Variants in ATN1 observed in about 807,000 individuals in gnomAD.
The protein encoded by ATN1 is atrophin 1.
Under a neutral mutation model 85.8 loss-of-function variants are expected in ATN1, and 19 were observed. That is an observed-to-expected ratio of 0.22 (90% confidence interval 0.15 to 0.32). ATN1 has a LOEUF of 0.32. Among genes scored for constraint, ATN1 ranks in the 10% least tolerant of loss-of-function variants. ATN1 has a pLI of 1.00. For synonymous variants in ATN1, 674 were observed against 657.0 expected (o/e 1.03, Z -0.39); for missense variants, 1,453 against 1,564.5 (o/e 0.93, Z 1.20).
chr12:6,937,934 A>T lies in ATN1; in HGVS notation c.2384A>T (p.Lys795Met). ...CTGGAGGGCTCCAAGCTGGCCAAGA[A>T]GCGGGCCGACCTGGTGGAGAAGGTG... ...VPLEGSKLAK[K>M]RADLVEKVRR... The change falls in exon 6 of 10, where the codon AAG (lysine) becomes ATG (methionine). Residue 795 changes from lysine (K) to methionine (M), a missense_variant. By Grantham distance (95) the Lys-to-Met change is moderately conservative. Transcript: ENST00000396684. This position sits in a 1 kb window ranked among gnomAD's most constrained non-coding sequence, Gnocchi z 6.0. 6.3e-7 allele frequency: 1 copy of T among 1,590,622 alleles called. No homozygotes were observed. The highest frequency in any genetic ancestry group is 8.6e-7 in the Non-Finnish European group (1 of 1,169,190).
In ATN1 at chr12:6,941,361, T is replaced by G. The variant is rs1945632143; in HGVS notation, c.3359-13T>G. On this transcript the variant is annotated splice_polypyrimidine_tract_variant and intron_variant, in intron 8 of 9. Coordinates refer to ENST00000396684, the MANE Select transcript of ATN1 (RefSeq NM_001940.4). The surrounding 1 kb of genome is among the most constrained non-coding windows in gnomAD (Gnocchi z 5.9). ...TCCGTTGGTCATATGCCCCTTGCCC[T>G]TCCTGCTCACAGCTGCCCCTTACCG... 1 of 1,586,130 alleles carries G rather than the reference T, an allele frequency of 6.3e-7. No individual in the cohort carries two copies. Among genetic ancestry groups the G allele is most frequent in the Non-Finnish European group, 8.6e-7 (1 of 1,165,888 alleles).
rs1945540976 is a variant in ATN1 at position 6,936,728 on chromosome 12, A to AACAG, written c.1461_1462insACAG (p.Gln488ThrfsTer37). ...ATCACCATCACCACCAGCAACAGCA[A>AACAG]CAGCAGCAGCAGCAGCAGCAGCAGC... On this transcript the variant is annotated frameshift_variant, in exon 5 of 10. Coordinates refer to ENST00000396684, the MANE Select transcript of ATN1 (RefSeq NM_001940.4). LOFTEE classifies it high-confidence loss of function. 5.1e-6 allele frequency: 8 copies of AACAG among 1,583,954 alleles called. No individual in the cohort carries two copies. Among genetic ancestry groups the AACAG allele is most frequent in the African/African-American group, 2.8e-5 (2 of 70,874 alleles).
chr12:6,939,804 C>T (rs1945610049), intron 7 of ATN1, among the ~76,000 whole-genome samples: 1 of 152,074 alleles, frequency 6.6e-6, no homozygotes, highest in Non-Finnish European at 1.5e-5. Context: ...GTGCCCAACC[C>T]ACAAACCTAT....
rs919201953 is a variant in ATN1, at chr12:6,941,654, C to T, written c.3540-93C>T. 4.7e-5 allele frequency: 74 copies of T among 1,578,590 alleles called. No homozygotes were observed. In the African/African-American group the frequency reaches 9.6e-4, roughly 20 times the overall value. On this transcript the variant is annotated intron_variant, in intron 9 of 9. Transcript: ENST00000396684. The surrounding 1 kb of genome is among the most constrained non-coding windows in gnomAD (Gnocchi z 5.9). ...GGCACCGTGCTCCTGGGGGAGGGAA[C>T]CCCTCCTCTCCCAACCCCTTCGGTA...
In ATN1 at chr12:6,940,814, C is replaced by T. The variant is rs1030344405; in HGVS notation, c.3215-66C>T. On this transcript the variant is annotated intron_variant, in intron 7 of 9. Coordinates refer to ENST00000396684, the MANE Select transcript of ATN1 (RefSeq NM_001940.4). ...CTCAGTTCCCAGGCTTGGATCCCTT[C>T]ACCCAAATGCATGGTTTGCCCCAAA... 4.4e-6 allele frequency: 7 copies of T among 1,595,926 alleles called. No individual in the cohort carries two copies. In the African/African-American group the frequency reaches 6.7e-5, roughly 15 times the overall value.
chr12:6,936,231 G>A lies in ATN1; in HGVS notation c.964G>A (p.Ala322Thr). 4 of 1,604,394 alleles carry A rather than the reference G, an allele frequency of 2.5e-6. No homozygotes were observed. The highest frequency in any genetic ancestry group is 3.4e-6 in the Non-Finnish European group (4 of 1,174,388). ...NASASPPGLG[A>T]QPLPGHLPSP... Reference sequence around the variant, plus strand: ...ATCAGCCTCTCCCCCTGGCCTGGGGGCCCAACCACTACCTGGTCATCTGCC... The same window carrying A: ...ATCAGCCTCTCCCCCTGGCCTGGGGACCCAACCACTACCTGGTCATCTGCC... The change falls in exon 5 of 10, where the codon GCC becomes ACC. Residue 322 changes from alanine (A) to threonine (T), a missense_variant. Ala to Thr is a moderately conservative substitution (Grantham distance 58, BLOSUM62 0). Around this residue, in one of 6 missense-constraint regions of ATN1, gnomAD observed 990 missense variants for 914.8 expected, o/e 1.08. Coordinates refer to ENST00000396684, the MANE Select transcript of ATN1 (RefSeq NM_001940.4).
At chr12:6,927,518 C>T (rs1373444614), upstream of ATN1, among the ~76,000 whole-genome samples, 1 of 152,048 alleles carries the variant, frequency 6.6e-6, no homozygotes, top group African/African-American at 2.4e-5. Flanking sequence ...CACCCACAGC[C>T]CCTCCTACCT....
chr12:6,935,956 G>A lies in ATN1; in HGVS notation c.689G>A (p.Gly230Glu). The A allele has an allele frequency of 1.3e-6, 2 of 1,592,816 alleles. No homozygotes were observed. Among genetic ancestry groups the A allele is most frequent in the Non-Finnish European group, 8.6e-7 (1 of 1,168,438 alleles). The stretch of plus-strand genomic sequence containing the variant: ...GGGGGCACTGGTGGAGTTTTGTCTG[G>A]ACCCCCAATGGGTCCCAAGGGGGGA... The part of the protein sequence containing the change: ...YPGGTGGVLS[G>E]PPMGPKGGGA... The change falls in exon 5 of 10, where the codon GGA becomes GAA. Residue 230 changes from glycine (G) to glutamate (E), a missense_variant. Coordinates refer to ENST00000396684, the MANE Select transcript of ATN1 (RefSeq NM_001940.4). This position sits in a 1 kb window ranked among gnomAD's most constrained non-coding sequence, Gnocchi z 5.3.
chr12:6,936,108 G>C lies in ATN1; in HGVS notation c.841G>C (p.Gly281Arg). 1.3e-6 allele frequency: 2 copies of C among 1,528,324 alleles called. No individual in the cohort carries two copies. The highest frequency in any genetic ancestry group is 1.8e-6 in the Non-Finnish European group (2 of 1,138,922). The allele number at this position is 1,528,324 out of a possible 1,614,324, so 94.7% of individuals were successfully genotyped here. Residue 281 changes from glycine to arginine, a missense_variant, in exon 5 of 10, where the codon GGT becomes CGT. Gly to Arg is a moderately radical substitution (Grantham distance 125). This residue lies in a region of ATN1 where 990 missense variants were observed against 914.8 expected (regional missense o/e 1.08). Coordinates refer to ENST00000396684, the MANE Select transcript of ATN1 (RefSeq NM_001940.4). ...AACAAAGCCGCCTACCACTCCAGTG[G>C]GTGGTGGGAACCTACCTTCTGCTCC... ...PPTKPPTTPV[G>R]GGNLPSAPPP...
In ATN1 at chr12:6,935,559, C is replaced by G. The variant is rs1555143440; in HGVS notation, c.292C>G (p.Arg98Gly). 6.2e-7 allele frequency: 1 copy of G among 1,609,780 alleles called. No homozygotes were observed. The highest frequency in any genetic ancestry group is 8.5e-7 in the Non-Finnish European group (1 of 1,176,602). The change falls in exon 5 of 10, where the codon CGG becomes GGG. Residue 98 changes from arginine to glycine, a missense_variant. By Grantham distance (125) the Arg-to-Gly change is moderately radical. Coordinates refer to ENST00000396684, the MANE Select transcript of ATN1 (RefSeq NM_001940.4). This position sits in a 1 kb window ranked among gnomAD's most constrained non-coding sequence, Gnocchi z 5.3. ...CCCTTTTCTACAGCAGGAACTCCCT[C>G]GGCCACAGTCTCCCTCCGATCTGGA... The part of the protein sequence containing the change: ...KKTKTEQELP[R>G]PQSPSDLDSL...
chr12:6,939,275 G>A, intron 7 of ATN1, 98 bp downstream of exon 7: 1 of 1,443,148 alleles, frequency 6.9e-7, no homozygotes, highest in African/African-American at 1.4e-5. Flanking sequence ...TCCTCCCCTG[G>A]CCTGGCATGA....
Position 6,937,233 on chromosome 12 carries a change from G to A in ATN1, c.1966G>A (p.Gly656Arg), listed in dbSNP as rs782762692. 6 of 1,611,948 alleles carry A rather than the reference G, an allele frequency of 3.7e-6. No individual in the cohort carries two copies. The highest frequency in any genetic ancestry group is 1.3e-5 in the African/African-American group (1 of 75,028). ...PGAYKTATPP[G>R]YKPGSPPSFR... ...GGCCTACAAGACAGCCACCCCACCCGGATACAAACCCGGGTCGCCTCCCTC... is the reference window on the plus strand; with the variant it reads ...GGCCTACAAGACAGCCACCCCACCCAGATACAAACCCGGGTCGCCTCCCTC... Residue 656 changes from glycine to arginine, a missense_variant, in exon 5 of 10, where the codon GGA (glycine) becomes AGA (arginine). Physicochemically the swap from Gly to Arg is moderately radical, Grantham distance 125. Around this residue, in one of 6 missense-constraint regions of ATN1, gnomAD observed 990 missense variants for 914.8 expected, o/e 1.08. Transcript: ENST00000396684. This position sits in a 1 kb window ranked among gnomAD's most constrained non-coding sequence, Gnocchi z 6.0.
rs782369730 is a variant in ATN1, at chr12:6,936,776, T to TCAC, written c.1510_1512dup (p.His504dup). The TCAC allele has an allele frequency of 3.2e-5, 47 of 1,470,122 alleles. No individual in the cohort carries two copies. Among genetic ancestry groups the TCAC allele is most frequent in the South Asian group, 3.0e-4 (24 of 78,730 alleles). 91.1% of individuals were successfully genotyped at this position (1,470,122 alleles called of 1,614,324 possible). A position where few individuals can be genotyped will look rare whatever the true frequency, so the allele number is the denominator to read the frequency against. Reference sequence around the variant, plus strand: ...AGCAGCAGCAGCAGCAGCAGCAGCATCACGGAAACTCTGGGCCCCCTCCTC... The same window carrying TCAC: ...AGCAGCAGCAGCAGCAGCAGCAGCATCACCACGGAAACTCTGGGCCCCCTCCTC... On this transcript the variant is annotated inframe_insertion, in exon 5 of 10. Coordinates refer to ENST00000396684, the MANE Select transcript of ATN1 (RefSeq NM_001940.4).
At chr12:6,933,298 C>G (rs1945489277) in intron 1 of ATN1, among the ~76,000 whole-genome samples, 1 of 151,628 alleles carries the variant, frequency 6.6e-6, no homozygotes, top group South Asian at 2.1e-4. Flanking sequence ...CTCACTGCAA[C>G]CTCTGCCTCC....
In ATN1 at chr12:6,936,467, A is replaced by T; in HGVS notation, c.1200A>T (p.Pro400=). 1 of 1,351,504 alleles carries T rather than the reference A, an allele frequency of 7.4e-7. No individual in the cohort carries two copies. The highest frequency in any genetic ancestry group is 9.6e-7 in the Non-Finnish European group (1 of 1,042,138). 83.7% of individuals were successfully genotyped at this position (1,351,504 alleles called of 1,614,324 possible). A position where few individuals can be genotyped will look rare whatever the true frequency, so the allele number is the denominator to read the frequency against. Residue 400 remains proline (P), a synonymous_variant, in exon 5 of 10, where the codon CCA becomes CCT. Coordinates refer to ENST00000396684, the MANE Select transcript of ATN1 (RefSeq NM_001940.4). ...SSSSSSASPF[P]ASQALPSYPH... is the part of the protein sequence containing the mutation. ...CCTCTTCCTCTGCCTCCCCCTTCCC[A>T]GCTTCCCAGGCATTGCCCAGCTACC...
intron 1 of ATN1, among the ~76,000 whole-genome samples, chr12:6,931,266 C>T (rs1375841900): frequency 1.3e-5 from 2 of 150,534 alleles, no homozygotes; most frequent in African/African-American, 4.9e-5. Context: ...AAATAGTCAT[C>T]TTTGTTGTGC....
rs1945570903 is a variant in ATN1, at chr12:6,937,800, G to A, written c.2295-45G>A. On this transcript the variant is annotated intron_variant, in intron 5 of 9. Transcript: ENST00000396684. The surrounding 1 kb of genome is among the most constrained non-coding windows in gnomAD (Gnocchi z 6.0). ...GGCCGCGGCGCTGCGGGCTCCATCG[G>A]GCAGCTCGCACCGCCTGAGCGCCCG... 1.3e-6 allele frequency: 2 copies of A among 1,510,504 alleles called. No homozygotes were observed. Among genetic ancestry groups the A allele is most frequent in the African/African-American group, 1.4e-5 (1 of 71,616 alleles). The allele number at this position is 1,510,504 out of a possible 1,614,324, so 93.6% of individuals were successfully genotyped here. A position where few individuals can be genotyped will look rare whatever the true frequency, so the allele number is the denominator to read the frequency against.
rs1288846681 is a variant in ATN1 at position 6,937,735 on chromosome 12, C to CA, written c.2295-109dup. 4.1e-6 allele frequency: 6 copies of CA among 1,456,412 alleles called. No homozygotes were observed. Among genetic ancestry groups the CA allele is most frequent in the Non-Finnish European group, 5.4e-6 (6 of 1,107,514 alleles). 90.2% of individuals were successfully genotyped at this position (1,456,412 alleles called of 1,614,324 possible). A position where few individuals can be genotyped will look rare whatever the true frequency, so the allele number is the denominator to read the frequency against. On this transcript the variant is annotated intron_variant, in intron 5 of 9. Transcript: ENST00000396684. The surrounding 1 kb of genome is among the most constrained non-coding windows in gnomAD (Gnocchi z 6.0). ...GAGGCCCGCAGCAGCTCACAGCCTG[C>CA]AGGGGTGGTTTTGAGGCGGGGGCTA...
In ATN1 at chr12:6,937,462, A is replaced by G. The variant is rs1945564265; in HGVS notation, c.2195A>G (p.Glu732Gly). ...ACGCAGATCAAACAGGAGCCGGCTG[A>G]GGAGTATGAGACCCCCGAGAGCCCG... Reference protein sequence around the residue: ...SATQIKQEPAEEYETPESPVP... With the variant: ...SATQIKQEPAGEYETPESPVP... Residue 732 changes from glutamate (E) to glycine (G), a missense_variant, in exon 5 of 10, where the codon GAG becomes GGG. Around this residue, in one of 6 missense-constraint regions of ATN1, gnomAD observed 990 missense variants for 914.8 expected, o/e 1.08. Coordinates refer to ENST00000396684, the MANE Select transcript of ATN1 (RefSeq NM_001940.4). The surrounding 1 kb of genome is among the most constrained non-coding windows in gnomAD (Gnocchi z 6.0). 1.9e-6 allele frequency: 3 copies of G among 1,546,684 alleles called. No homozygotes were observed. The highest frequency in any genetic ancestry group is 2.6e-6 in the Non-Finnish European group (3 of 1,147,218).
Sources: gnomAD v4.1 joint callset for allele counts (sites outside exome capture counted in the v4.1 genomes callset) on GRCh38, gnomAD v4.1.1 for gene constraint, gnomAD v4.1.1 regional missense constraint, Gnocchi (gnomAD v3.1) non-coding constraint, MANE v1.5 for transcripts, NCBI Gene and HGNC (gene_info 2026-07-23, HGNC 2026-07-21) for gene names.